ARMC3: variants seen among roughly 807,000 people sequenced by gnomAD.
The protein encoded by ARMC3 is armadillo repeat containing 3.
In ARMC3, 74 loss-of-function variants were observed where a neutral mutation model predicts 90.3. That is an observed-to-expected ratio of 0.82 (90% confidence interval 0.68 to 0.99). The LOEUF is 0.99. Ranked by LOEUF, ARMC3 falls within the 50% of genes least tolerant of loss-of-function variation. ARMC3 has a pLI of 0.00. For synonymous variants in ARMC3, 334 were observed against 361.8 expected, an observed-to-expected ratio of 0.92 and a Z score of 0.87; for missense variants, 958 against 1,042.8, an observed-to-expected ratio of 0.92 and a Z score of 1.12.
intron 10 of ARMC3, among the ~76,000 whole-genome samples, chr10:22,997,547 C>T (rs1259341055): frequency 4.6e-5 from 7 of 152,308 alleles, no homozygotes; most frequent in Admixed American, 1.3e-4. Flanking sequence ...TTTGTAAAAG[C>T]AGTATTCACA....
chr10:23,005,767 G>A lies in ARMC3; in HGVS notation c.1732-1117G>A, dbSNP rs1588907659. On this transcript the variant is annotated intron_variant, in intron 13 of 18. Transcript: ENST00000298032. ...TAATCCCAACTACTCGAGAGGCTGA[G>A]GCAGGAGAATCACTTGAACCTGGGA... Among the ~76,000 whole-genome samples the A allele has an allele frequency of 3.3e-5, 5 of 152,144 alleles. No homozygotes were observed. In the East Asian group the frequency reaches 9.6e-4, roughly 29 times the overall value.
intron 8 of ARMC3, among the ~76,000 whole-genome samples, chr10:22,973,246 A>T (rs1270228662): frequency 6.6e-6 from 1 of 151,322 alleles, no homozygotes; most frequent in Non-Finnish European, 1.5e-5. Context: ...CTGCAGTGAG[A>T]TGTGATCATC....
intron 2 of ARMC3, among the ~76,000 whole-genome samples, chr10:22,938,358 A>C (rs2131150611): frequency 6.6e-6 from 1 of 152,316 alleles, no homozygotes; most frequent in South Asian, 2.1e-4. Flanking sequence ...TATGTTAAGC[A>C]AGTTGGATTT....
At chr10:22,999,449 TATTTTTCTC>T (rs1340719793) in intron 11 of ARMC3, among the ~76,000 whole-genome samples, 1 of 152,218 alleles carries the variant, frequency 6.6e-6, no homozygotes, top group Non-Finnish European at 1.5e-5. Context: ...AACATCCTTT[TATTTTTCTC>T]AGTTTTCTCA....
intron 13 of ARMC3, among the ~76,000 whole-genome samples, chr10:23,005,418 CA>C (rs1837551743): frequency 6.6e-6 from 1 of 152,134 alleles, no homozygotes; most frequent in Non-Finnish European, 1.5e-5. Context: ...CTGATTCATT[CA>C]GTAAATATTG....
intron 16 of ARMC3, among the ~76,000 whole-genome samples, chr10:23,022,840 G>A (rs572908744): frequency 6.6e-6 from 1 of 152,254 alleles, no homozygotes; most frequent in East Asian, 1.9e-4. Context: ...GGCCAGAAGG[G>A]ACCTGCTCAG....
chr10:22,928,234 G>C (rs897209385), intron 1 of ARMC3, 128 bp downstream of exon 1: 5 of 152,300 alleles, frequency 3.3e-5, no homozygotes, highest in Non-Finnish European at 7.3e-5. Flanking sequence ...GGCGTTGTTA[G>C]TTTCTGCCTC....
chr10:22,973,235 G>T (rs1224724339), intron 8 of ARMC3, among the ~76,000 whole-genome samples: 2 of 151,398 alleles, frequency 1.3e-5, no homozygotes, highest in Admixed American at 6.6e-5. Context: ...GGAGTTTGAG[G>T]CTGCAGTGAG....
intron 13 of ARMC3, 37 bp from the exon 14 acceptor site, chr10:23,006,847 G>C (rs1455061688): frequency 6.3e-7 from 1 of 1,579,652 alleles, no homozygotes; most frequent in Admixed American, 1.7e-5. Context: ...TATGACCCCT[G>C]CAGATACTAC....
At chr10:22,955,295 C>T (rs1256359515) in intron 3 of ARMC3, 1 of 152,398 alleles carries the variant, frequency 6.6e-6, no homozygotes, top group Non-Finnish European at 1.5e-5. Flanking sequence ...ACAATTCTAA[C>T]AAATCCACAA....
chr10:22,985,648 C>G (rs976536278), intron 10 of ARMC3, among the ~76,000 whole-genome samples: 1 of 152,088 alleles, frequency 6.6e-6, no homozygotes, highest in East Asian at 1.9e-4. Flanking sequence ...AGATAATTCT[C>G]GTGTATGTTG....
chr10:22,983,984 G>A (rs1366450849), intron 10 of ARMC3, among the ~76,000 whole-genome samples: 2 of 152,108 alleles, frequency 1.3e-5, no homozygotes, highest in African/African-American at 2.4e-5. Context: ...AGGAAGCATC[G>A]TGGCTTTGCT....
chr10:23,031,046 A>G (rs2131565978), intron 17 of ARMC3: 2 of 398,158 alleles, frequency 5.0e-6, no homozygotes, highest in East Asian at 4.2e-5. Context: ...CAGCTAGACC[A>G]TGAAAAGCAT....
intron 3 of ARMC3, among the ~76,000 whole-genome samples, chr10:22,954,159 C>G (rs1834837760): frequency 6.6e-6 from 1 of 152,156 alleles, no homozygotes; most frequent in African/African-American, 2.4e-5. Context: ...TGTATATCCT[C>G]TTTGGTGATG....
At chr10:22,992,933 G>A (rs1467666287) in intron 10 of ARMC3, among the ~76,000 whole-genome samples, 1 of 151,324 alleles carries the variant, frequency 6.6e-6, no homozygotes, top group Non-Finnish European at 1.5e-5. Context: ...CGTACACACC[G>A]CCCCTGACCA....
intron 10 of ARMC3, among the ~76,000 whole-genome samples, chr10:22,986,583 CCAAAACAAAA>C (rs112786304): frequency 2.0e-5 from 3 of 148,422 alleles, no homozygotes; most frequent in Admixed American, 6.7e-5. Flanking sequence ...AAAAACAAAC[CCAAAACAAAA>C]CAAAACAAAA....
chr10:22,998,275 A>G lies in ARMC3; in HGVS notation c.1303A>G (p.Ile435Val). 6.2e-7 allele frequency: 1 copy of G among 1,612,550 alleles called. No individual in the cohort carries two copies. The highest frequency in any genetic ancestry group is 8.5e-7 in the Non-Finnish European group (1 of 1,179,160). Residue 435 changes from isoleucine (I) to valine (V), a missense_variant, in exon 11 of 19, where the codon ATA becomes GTA. Transcript: ENST00000298032. Reference sequence around the variant, plus strand: ...CATGCAGGAGCCCCTGCGCCTGAACATACAGAATCACGACATCATGCATGC... The same window carrying G: ...CATGCAGGAGCCCCTGCGCCTGAACGTACAGAATCACGACATCATGCATGC... ...MAMQEPLRLN[I>V]QNHDIMHAII... is the part of the protein sequence containing the mutation.
intron 8 of ARMC3, among the ~76,000 whole-genome samples, chr10:22,973,952 G>A (rs748085961): frequency 4.6e-5 from 7 of 151,516 alleles, no homozygotes; most frequent in African/African-American, 7.3e-5. Flanking sequence ...TAAAGACGGG[G>A]TTTCACCATG....
chr10:22,967,596 C>T (rs937607459), intron 7 of ARMC3, among the ~76,000 whole-genome samples: 1 of 152,290 alleles, frequency 6.6e-6, no homozygotes, highest in African/African-American at 2.4e-5. Context: ...GCATTCTGGA[C>T]AACCTTGCCA....
Sources: allele counts gnomAD v4.1 joint callset (sites outside exome capture counted in the v4.1 genomes callset), GRCh38; gene constraint gnomAD v4.1.1; transcripts MANE v1.5; gene names NCBI Gene and HGNC (gene_info 2026-07-23, HGNC 2026-07-21).